The following C18orf54 variants were observed in gnomAD, a reference collection of about 807,000 sequenced individuals.
The protein encoded by C18orf54 is lung adenoma susceptibility protein 2.
A neutral mutation model predicts 49.3 loss-of-function variants in C18orf54; 49 were observed. The ratio of observed to expected loss-of-function variants is 0.99; its 90% CI spans 0.79 to 1.26. The LOEUF (loss-of-function observed/expected upper bound fraction) is 1.26, where lower values mean the gene tolerates loss of function less well. Ranked by LOEUF, C18orf54 falls within the 50% of genes most tolerant of loss-of-function variation. The pLI is 0.00. For synonymous variants in C18orf54, 211 were observed against 216.6 expected, an observed-to-expected ratio of 0.97 and a Z score of 0.23; for missense variants, 687 against 620.6, an observed-to-expected ratio of 1.11 and a Z score of -1.14.
chr18:54,363,889 C>T (rs143661538), intron 5 of C18orf54: 112 of 151,978 alleles, frequency 7.4e-4, no homozygotes, highest in African/African-American at 2.6e-3. Flanking sequence ...TAGAAGCCTA[C>T]GTCTGCCATT....
intron 2 of C18orf54, among the ~76,000 whole-genome samples, chr18:54,360,148 G>C (rs763371466): frequency 1.3e-5 from 2 of 151,530 alleles, no homozygotes; most frequent in Non-Finnish European, 2.9e-5. Context: ...TGAAAAATAT[G>C]ATGTATAGGG....
At chr18:54,367,135 G>T (rs960996236) in intron 6 of C18orf54, among the ~76,000 whole-genome samples, 3 of 152,010 alleles carry the variant, frequency 2.0e-5, no homozygotes, top group Non-Finnish European at 2.9e-5. Context: ...TTTTAAGTGG[G>T]GAATTCAGTT....
intron 5 of C18orf54, among the ~76,000 whole-genome samples, chr18:54,364,242 T>C (rs1307780179): frequency 1.3e-5 from 2 of 152,120 alleles, no homozygotes; most frequent in Non-Finnish European, 2.9e-5. Context: ...ACTTGTTCTG[T>C]GTATTAATAA....
At position 54,380,955 on chromosome 18, in the gene C18orf54, A is replaced by C. The variant is rs918198388; in HGVS notation, c.*2709A>C. On this transcript the variant is annotated 3_prime_UTR_variant, in exon 9 of 9. Transcript: ENST00000620105. Reference sequence around the variant, plus strand: ...CAAGTAGCATGAAAGAAGACAGAAGAAGCAAAAGGCTAATACAGTGGATAA... The same window carrying C: ...CAAGTAGCATGAAAGAAGACAGAAGCAGCAAAAGGCTAATACAGTGGATAA... 6.6e-6 allele frequency: 1 copy of C among 152,176 alleles called. No individual in the cohort carries two copies. Among genetic ancestry groups the C allele is most frequent in the African/African-American group, 2.4e-5 (1 of 41,452 alleles). 9.4% of individuals were successfully genotyped at this position (152,176 alleles called of 1,614,324 possible). A position where few individuals can be genotyped will look rare whatever the true frequency, so the allele number is the denominator to read the frequency against.
chr18:54,365,734 C>G lies in C18orf54; in HGVS notation c.1239C>G (p.Pro413=). ...NIPVTFKSPV[P]VNSDDSPQQT... ...TCCTGTTTAGCAAATCTCCTGTTCC[C>G]GTTAACTCTGATGATAGTCCTCAAC... The change falls in exon 6 of 9, where the codon CCC becomes CCG. Residue 413 remains proline (P), a synonymous_variant. Transcript: ENST00000620105. 2 of 1,589,864 alleles carry G rather than the reference C, an allele frequency of 1.3e-6. No individual in the cohort carries two copies. The highest frequency in any genetic ancestry group is 1.1e-5 in the South Asian group (1 of 87,118).
chr18:54,366,322 C>G (rs2089383701), intron 6 of C18orf54, among the ~76,000 whole-genome samples: 1 of 151,926 alleles, frequency 6.6e-6, no homozygotes, highest in Non-Finnish European at 1.5e-5. Context: ...AACCACTATT[C>G]TACTCTCTAT....
rs1471603131 is a variant in C18orf54, at chr18:54,380,624, GTTTGT to G, written c.*2383_*2387del. 6.6e-6 allele frequency: 1 copy of G among 151,934 alleles called. No individual in the cohort carries two copies. The highest frequency in any genetic ancestry group is 2.4e-5 in the African/African-American group (1 of 41,404). 9.4% of individuals were successfully genotyped at this position (151,934 alleles called of 1,614,324 possible). ...AAATTAAGAAACACTGTTTTCCTGG[GTTTGT>G]TTTGGGTATATGTCATTATAGTTAT... is the stretch of plus-strand genomic sequence containing the variant. On this transcript the variant is annotated 3_prime_UTR_variant, in exon 9 of 9. Coordinates refer to ENST00000620105, the MANE Select transcript of C18orf54 (RefSeq NM_001288980.2).
Position 54,365,101 on chromosome 18 carries a change from GTT to G in C18orf54, c.1224-616_1224-615del, listed in dbSNP as rs368728708. Among the ~76,000 whole-genome samples the G allele has an allele frequency of 4.2e-3, 638 of 152,076 alleles. 10 individuals are homozygous for G. The highest frequency in any genetic ancestry group is 0.015 in the African/African-American group (622 of 41,554). ...ACTAGGTACATAGAAAATTAATTCA[GTT>G]TATGCAATATGTCTGTGAGATAGAT... On this transcript the variant is annotated intron_variant, in intron 5 of 8. Transcript: ENST00000620105.
At position 54,378,397 on chromosome 18, in the gene C18orf54, AATACCC is replaced by A. The variant is rs1180429672; in HGVS notation, c.*155_*160del. ...ATATTTCTAAAACACTAAACTTGAA[AATACCC>A]ATAGGTTTTGGGACCTATCTTTATT... On this transcript the variant is annotated 3_prime_UTR_variant, in exon 9 of 9. Coordinates refer to ENST00000620105, the MANE Select transcript of C18orf54 (RefSeq NM_001288980.2). 1 of 621,230 alleles carries A rather than the reference AATACCC, an allele frequency of 1.6e-6. No individual in the cohort carries two copies. Among genetic ancestry groups the A allele is most frequent in the Non-Finnish European group, 2.6e-6 (1 of 380,514 alleles). 38.5% of individuals were successfully genotyped at this position (621,230 alleles called of 1,614,324 possible).
intron 8 of C18orf54, among the ~76,000 whole-genome samples, chr18:54,376,090 G>A (rs112004943): frequency 3.9e-4 from 59 of 152,236 alleles, no homozygotes; most frequent in African/African-American, 1.4e-3. Context: ...AAAAGTTACT[G>A]ATTATACTTT....
chr18:54,369,818 G>A (rs2089453377), intron 6 of C18orf54, among the ~76,000 whole-genome samples: 1 of 152,048 alleles, frequency 6.6e-6, no homozygotes, highest in Admixed American at 6.6e-5. Flanking sequence ...ACAAAATACT[G>A]TTTTCCAGAG....
rs769369272 is a variant in C18orf54 at position 54,361,766 on chromosome 18, C to T, written c.407C>T (p.Ser136Leu). Residue 136 changes from serine to leucine, a missense_variant, in exon 4 of 9, where the codon TCA becomes TTA. Transcript: ENST00000620105. ...CTATTAAGACTCCCAGCAGATGGATCATTTTCTTATACTTATGTTGGACCG... is the reference window on the plus strand; with the variant it reads ...CTATTAAGACTCCCAGCAGATGGATTATTTTCTTATACTTATGTTGGACCG... ...DDLLRLPADG[S>L]FSYTYVGPSH... The T allele has an allele frequency of 1.9e-6, 3 of 1,614,080 alleles. 1 individual carries two copies. The South Asian group carries it at 3.3e-5, about 18-fold the overall frequency.
chr18:54,362,262 G>A lies in C18orf54; in HGVS notation c.903G>A (p.Arg301=), dbSNP rs1393783086. 6.5e-7 allele frequency: 1 copy of A among 1,536,382 alleles called. No homozygotes were observed. The highest frequency in any genetic ancestry group is 1.4e-5 in the African/African-American group (1 of 73,138). Residue 301 remains arginine (R), a synonymous_variant, in exon 4 of 9, where the codon CGG becomes CGA. Transcript: ENST00000620105. ...RHSHQAQGTS[R]LINKLDCFEY... ...GTCATCAGGCACAAGGAACTTCTCG[G>A]CTTATCAATAAATTAGATTGTTTTG...
intron 6 of C18orf54, among the ~76,000 whole-genome samples, chr18:54,371,256 A>G (rs2089482249): frequency 6.6e-6 from 1 of 152,090 alleles, no homozygotes. Flanking sequence ...TCTTGTTGTG[A>G]CTGGCTTATT....
Position 54,363,011 on chromosome 18 carries a change from A to G in C18orf54, c.1223+90A>G, listed in dbSNP as rs953886060. On this transcript the variant is annotated intron_variant, in intron 5 of 8. Transcript: ENST00000620105. ...ATTTATATTTAAACGAACGGTAATT[A>G]ATAATATTGTAACTCCATAGAACAT... The G allele has an allele frequency of 1.0e-5, 13 of 1,255,970 alleles. No homozygotes were observed. The East Asian group carries it at 2.4e-4, about 23-fold the overall frequency. 77.8% of individuals were successfully genotyped at this position (1,255,970 alleles called of 1,614,324 possible). A position where few individuals can be genotyped will look rare whatever the true frequency, so the allele number is the denominator to read the frequency against.
Position 54,378,833 on chromosome 18 carries a change from G to C in C18orf54, c.*587G>C, listed in dbSNP as rs867532361. 6.6e-6 allele frequency: 1 copy of C among 152,086 alleles called. No individual in the cohort carries two copies. Among genetic ancestry groups the C allele is most frequent in the African/African-American group, 2.4e-5 (1 of 41,438 alleles). The allele number at this position is 152,086 out of a possible 1,614,324, so 9.4% of individuals were successfully genotyped here. A position where few individuals can be genotyped will look rare whatever the true frequency, so the allele number is the denominator to read the frequency against. On this transcript the variant is annotated 3_prime_UTR_variant, in exon 9 of 9. Transcript: ENST00000620105. The stretch of plus-strand genomic sequence containing the variant: ...GGGGTGATACTGTGTTAAAAGGAAT[G>C]TTGTGTTGTGACATTCAAGAGAACC...
chr18:54,362,161 CAA>C lies in C18orf54; in HGVS notation c.803_804del (p.Gln268ArgfsTer5). The C allele has an allele frequency of 6.5e-7, 1 of 1,536,188 alleles. No homozygotes were observed. The highest frequency in any genetic ancestry group is 8.7e-7 in the Non-Finnish European group (1 of 1,146,898). ...DFKYPVWLHN[Q>X]DLLPDANSQR... Reference sequence around the variant, plus strand: ...CAAATACCCAGTCTGGCTGCACAATCAAGACTTGCTACCTGATGCAAATAGTC... The same window carrying C: ...CAAATACCCAGTCTGGCTGCACAATCGACTTGCTACCTGATGCAAATAGTC... On this transcript the variant is annotated frameshift_variant, in exon 4 of 9. Transcript: ENST00000620105. LOFTEE classifies it high-confidence loss of function.
intron 8 of C18orf54, 59 bp from the exon 9 acceptor site, chr18:54,378,115 C>A: frequency 1.6e-6 from 2 of 1,270,416 alleles, no homozygotes; most frequent in Non-Finnish European, 2.2e-6. Flanking sequence ...TTGCTGTCTG[C>A]ATTGGCTATT....
In C18orf54 at chr18:54,360,611, G is replaced by A. The variant is rs1196282636; in HGVS notation, c.39G>A (p.Gln13=). 1.2e-6 allele frequency: 2 copies of A among 1,613,930 alleles called. No individual in the cohort carries two copies. The highest frequency in any genetic ancestry group is 2.7e-5 in the African/African-American group (2 of 74,926). Residue 13 remains glutamine (Q), a synonymous_variant, in exon 3 of 9, where the codon CAG becomes CAA. Coordinates refer to ENST00000620105, the MANE Select transcript of C18orf54 (RefSeq NM_001288980.2). ...KSKTKHRLCS[Q]ESSVSALLAS... is the part of the protein sequence containing the mutation. Reference sequence around the variant, plus strand: ...AGACAAAACATAGACTTTGTTCTCAGGAATCTTCAGTATCTGCCCTGCTGG... The same window carrying A: ...AGACAAAACATAGACTTTGTTCTCAAGAATCTTCAGTATCTGCCCTGCTGG...
Sources: allele counts gnomAD v4.1 joint callset (sites outside exome capture counted in the v4.1 genomes callset), GRCh38; gene constraint gnomAD v4.1.1; transcripts MANE v1.5; gene names NCBI Gene and HGNC (gene_info 2026-07-23, HGNC 2026-07-21).